The following ALDH1L1 variants were observed in gnomAD, a reference collection of about 807,000 sequenced individuals.
ALDH1L1 encodes the protein aldehyde dehydrogenase 1 family member L1, also known as cytosolic 10-formyltetrahydrofolate dehydrogenase.
Under a neutral mutation model 101.1 loss-of-function variants are expected in ALDH1L1, and 68 were observed. The observed-to-expected ratio is 0.67, with a 90% CI of 0.55 to 0.82. ALDH1L1 has a LOEUF of 0.82. Ranked by LOEUF, ALDH1L1 falls within the 40% of genes least tolerant of loss-of-function variation. ALDH1L1 has a pLI of 0.00. For missense variants in ALDH1L1, 1,087 were observed against 1,172.7 expected (o/e 0.93, Z 1.07); for synonymous variants, 486 against 470.8 (o/e 1.03, Z -0.42).
At chr3:126,189,106 A>G (rs1287657745) in intron 1 of ALDH1L1, among the ~76,000 whole-genome samples, 1 of 152,228 alleles carries the variant, frequency 6.6e-6, no homozygotes, top group Non-Finnish European at 1.5e-5. Flanking sequence ...CCAGCTCTAT[A>G]AAAGGGACCA....
chr3:126,131,122 G>T (rs948584324), intron 13 of ALDH1L1, among the ~76,000 whole-genome samples: 1 of 152,228 alleles, frequency 6.6e-6, no homozygotes, highest in East Asian at 1.9e-4. Flanking sequence ...CTGGATGCAG[G>T]TTCTGTCCCA....
At chr3:126,156,684 GCTCAGGCCATGTGACCA>G (rs2080913862) in intron 4 of ALDH1L1, 1 of 152,166 alleles carries the variant, frequency 6.6e-6, no homozygotes, top group South Asian at 2.1e-4. Flanking sequence ...CCGCCCTGCC[GCTCAGGCCATGTGACCA>G]CAGGTCACGG....
intron 5 of ALDH1L1, 112 bp downstream of exon 5, chr3:126,155,290 A>G: frequency 1.1e-6 from 1 of 936,362 alleles, no homozygotes; most frequent in African/African-American, 1.7e-5. Flanking sequence ...TTCTGGCCTC[A>G]AAGAATTACA....
At chr3:126,153,641 C>A in intron 6 of ALDH1L1, 60 bp from the exon 7 acceptor site, 1 of 1,573,714 alleles carries the variant, frequency 6.4e-7, no homozygotes, top group Non-Finnish European at 8.6e-7. Context: ...AAGCCAGTAG[C>A]CCAGGCAGGT....
intron 8 of ALDH1L1, among the ~76,000 whole-genome samples, chr3:126,147,538 C>T (rs1158226061): frequency 6.6e-6 from 1 of 152,220 alleles, no homozygotes; most frequent in Non-Finnish European, 1.5e-5. Flanking sequence ...GGGTGCTCAG[C>T]TCCCACTAAG....
At chr3:126,105,416 C>T in intron 22 of ALDH1L1, 1 of 400,342 alleles carries the variant, frequency 2.5e-6, no homozygotes, top group Non-Finnish European at 4.8e-6. Context: ...GTCTTCATGG[C>T]CAACTCCTCC....
chr3:126,187,094 G>T (rs1209906473), intron 1 of ALDH1L1, among the ~76,000 whole-genome samples: 2 of 152,138 alleles, frequency 1.3e-5, no homozygotes, highest in Admixed American at 1.3e-4. Flanking sequence ...GTGTTTGGCT[G>T]GGAAGGGGAA....
chr3:126,141,146 C>G (rs558279643), intron 9 of ALDH1L1, among the ~76,000 whole-genome samples: 1 of 152,054 alleles, frequency 6.6e-6, no homozygotes, highest in South Asian at 2.1e-4. Context: ...TTAAATCTAA[C>G]AAGTTTACAA....
chr3:126,131,008 G>C (rs57147586), intron 13 of ALDH1L1, among the ~76,000 whole-genome samples: 1 of 152,218 alleles, frequency 6.6e-6, no homozygotes, highest in African/African-American at 2.4e-5. Context: ...ACCTGCTGCC[G>C]CTGGGAGATA....
rs767906658 is a variant in ALDH1L1, at chr3:126,131,375, G to A, written c.1623+9C>T. 6.3e-7 allele frequency: 1 copy of A among 1,590,350 alleles called. No homozygotes were observed. Among genetic ancestry groups the A allele is most frequent in the South Asian group, 1.1e-5 (1 of 89,460 alleles). ...ATGTGCTCACACTGGGTGGGAGCCT[G>A]GGCCCCACCTGGATCTTGTCACACC... On this transcript the variant is annotated intron_variant, in intron 13 of 22. Transcript: ENST00000393434.
intron 9 of ALDH1L1, among the ~76,000 whole-genome samples, chr3:126,138,669 C>T (rs1173218054): frequency 6.6e-6 from 1 of 152,214 alleles, no homozygotes; most frequent in African/African-American, 2.4e-5. Context: ...GCAACTGGAG[C>T]TTGCACACAC....
intron 1 of ALDH1L1, among the ~76,000 whole-genome samples, chr3:126,194,818 T>C (rs1012902583): frequency 2.6e-5 from 4 of 152,174 alleles, no homozygotes; most frequent in African/African-American, 9.7e-5. Context: ...TCTCCTCACA[T>C]ACCTTGCATG....
At chr3:126,134,776 G>A (rs555358098) in intron 12 of ALDH1L1, among the ~76,000 whole-genome samples, 20 of 152,236 alleles carry the variant, frequency 1.3e-4, no homozygotes, top group East Asian at 5.8e-4. Context: ...ACTTGGCTTC[G>A]CACCCCTAGA....
In ALDH1L1 at chr3:126,125,646, G is replaced by A. The variant is rs781544915; in HGVS notation, c.1770C>T (p.Ala590=). 22 of 1,597,024 alleles carry A rather than the reference G, an allele frequency of 1.4e-5. 1 individual carries two copies. Among genetic ancestry groups the A allele is most frequent in the Middle Eastern group, 1.7e-4 (1 of 6,022 alleles). Residue 590 remains alanine (A), a synonymous_variant, in exon 15 of 23, where the codon GCC becomes GCT. Transcript: ENST00000393434. ...CAGGCTTGATCACCACTGTGTTCCC[G>A]GCAGCCAGGCAGGCAGCTGTCTTCC... is the stretch of plus-strand genomic sequence containing the variant. ...LSWKTAACLA[A]GNTVVIKPAQ... is the part of the protein sequence containing the mutation.
rs1434284269 is a variant in ALDH1L1 at position 126,148,157 on chromosome 3, CG to C, written c.985-1232del. Among the ~76,000 whole-genome samples, 12 of 152,270 alleles carry C rather than the reference CG, an allele frequency of 7.9e-5. No homozygotes were observed. The East Asian group carries it at 2.1e-3, about 27-fold the overall frequency. ...AGAGTGGAGCCACAAAGGGGCAGTG[CG>C]GCAGACTGGTCACTGAGTGCACCAC... On this transcript the variant is annotated intron_variant, in intron 8 of 22. Coordinates refer to ENST00000393434, the MANE Select transcript of ALDH1L1 (RefSeq NM_012190.4).
chr3:126,162,014 A>G (rs762836674), intron 1 of ALDH1L1, among the ~76,000 whole-genome samples: 7 of 152,086 alleles, frequency 4.6e-5, no homozygotes, highest in African/African-American at 7.2e-5. Flanking sequence ...TTCTCCCTCA[A>G]CATTATCTTT....
At chr3:126,160,500 C>T in intron 2 of ALDH1L1, 1 of 225,614 alleles carries the variant, frequency 4.4e-6, no homozygotes, top group South Asian at 1.1e-4. Context: ...GCATGCCCAC[C>T]TTTCAGAATA....
chr3:126,140,002 G>A (rs2080534970), intron 9 of ALDH1L1, among the ~76,000 whole-genome samples: 1 of 152,160 alleles, frequency 6.6e-6, no homozygotes, highest in Admixed American at 6.5e-5. Context: ...TGAAGAAATA[G>A]TGGCCCCAAA....
intron 1 of ALDH1L1, among the ~76,000 whole-genome samples, chr3:126,189,263 A>G (rs1197103642): frequency 6.6e-6 from 1 of 152,278 alleles, no homozygotes; most frequent in African/African-American, 2.4e-5. Context: ...TTCTAACTAC[A>G]GAAGTATCCT....
Sources: allele counts gnomAD v4.1 joint callset (sites outside exome capture counted in the v4.1 genomes callset), GRCh38; gene constraint gnomAD v4.1.1; transcripts MANE v1.5; gene names NCBI Gene and HGNC (gene_info 2026-07-23, HGNC 2026-07-21).